CTNNAL1: variants seen among roughly 807,000 people sequenced by gnomAD.
CTNNAL1 encodes the protein alpha-catulin.
A neutral mutation model predicts 93.6 loss-of-function variants in CTNNAL1; 69 were observed. The observed-to-expected ratio is 0.74, with a 90% CI of 0.61 to 0.90. The LOEUF is 0.90. CTNNAL1 is among the 40% of genes least tolerant of loss of function. The pLI, the probability that CTNNAL1 is intolerant of heterozygous loss-of-function variation, is 0.00. For synonymous variants in CTNNAL1, 286 were observed against 305.4 expected, an observed-to-expected ratio of 0.94 and a Z score of 0.66; for missense variants, 836 against 862.0, an observed-to-expected ratio of 0.97 and a Z score of 0.38.
At chr9:108,942,877 A>G in intron 18 of CTNNAL1, 43 bp from the exon 19 acceptor site, 1 of 1,612,194 alleles carries the variant, frequency 6.2e-7, no homozygotes, top group Non-Finnish European at 8.5e-7. Flanking sequence ...TCACTCTGAA[A>G]AAAAAATTAC....
At chr9:108,942,922 T>C in intron 18 of CTNNAL1, 39 bp downstream of exon 18, 2 of 1,609,356 alleles carry the variant, frequency 1.2e-6, no homozygotes, top group Non-Finnish European at 1.7e-6. Flanking sequence ...TTTAAACCAT[T>C]TTTTAAAGTA....
chr9:109,001,814 A>G (rs1397747933), intron 1 of CTNNAL1, among the ~76,000 whole-genome samples: 1 of 152,204 alleles, frequency 6.6e-6, no homozygotes, highest in African/African-American at 2.4e-5. Flanking sequence ...CTCCTGAACC[A>G]CCAGGTAAGC....
intron 11 of CTNNAL1, among the ~76,000 whole-genome samples, chr9:108,956,610 T>A (rs1457199910): frequency 6.6e-6 from 1 of 152,176 alleles, no homozygotes; most frequent in African/African-American, 2.4e-5. Flanking sequence ...CCATATGAAA[T>A]TGCTGGTATT....
At position 108,984,388 on chromosome 9, in the gene CTNNAL1, C is replaced by A. The variant is rs1486131561; in HGVS notation, c.688G>T (p.Val230Phe). Residue 230 changes from valine (V) to phenylalanine (F), a missense_variant, in exon 5 of 19, where the codon GTT becomes TTT. Coordinates refer to ENST00000325551, the MANE Select transcript of CTNNAL1 (RefSeq NM_003798.4). ...AGCATCATTGTACACTTTTCAAGAACTGCCCTAGCTGCTGCCATTTTTGCC... is the reference window on the plus strand; with the variant it reads ...AGCATCATTGTACACTTTTCAAGAAATGCCCTAGCTGCTGCCATTTTTGCC... Reference protein sequence around the residue: ...KKAKMAAARAVLEKCTMMLLT... With the variant: ...KKAKMAAARAFLEKCTMMLLT... The A allele has an allele frequency of 6.2e-7, 1 of 1,612,298 alleles. No homozygotes were observed. Among genetic ancestry groups the A allele is most frequent in the Admixed American group, 1.7e-5 (1 of 59,944 alleles).
intron 5 of CTNNAL1, among the ~76,000 whole-genome samples, chr9:108,983,882 C>T (rs1831517210): frequency 6.6e-6 from 1 of 152,138 alleles, no homozygotes. Flanking sequence ...AATTTGCTGG[C>T]CAACTGCTGT....
At position 108,970,488 on chromosome 9, in the gene CTNNAL1, G is replaced by A. The variant is rs200882913; in HGVS notation, c.1354C>T (p.Arg452Ter). The A allele has an allele frequency of 2.9e-5, 46 of 1,610,038 alleles. No individual in the cohort carries two copies. The highest frequency in any genetic ancestry group is 3.6e-5 in the Non-Finnish European group (43 of 1,178,302). ...EQKEQLVETC[R>*]LLRHISGTEP... ...GTCCCAGATATGTGTCGTAACAATCGACAGGTCTACAAGACAATATGTCTA... is the reference window on the plus strand; with the variant it reads ...GTCCCAGATATGTGTCGTAACAATCAACAGGTCTACAAGACAATATGTCTA... The change falls in exon 10 of 19, where the codon CGA becomes TGA. Residue 452 changes from arginine (R) to a stop codon, truncating the protein, a stop_gained. Transcript: ENST00000325551. LOFTEE classifies it high-confidence loss of function.
chr9:108,986,836 G>A (rs1055892003), intron 4 of CTNNAL1, among the ~76,000 whole-genome samples: 1 of 152,196 alleles, frequency 6.6e-6, no homozygotes, highest in South Asian at 2.1e-4. Context: ...CTTTTGAGAA[G>A]TGTCTGTTCA....
chr9:108,979,921 G>A (rs1167359067), intron 6 of CTNNAL1, among the ~76,000 whole-genome samples: 2 of 152,188 alleles, frequency 1.3e-5, no homozygotes, highest in African/African-American at 4.8e-5. Flanking sequence ...GAGAAGCACT[G>A]GGGAAGACAT....
Position 108,992,741 on chromosome 9 carries a change from T to C in CTNNAL1, c.410A>G (p.Asp137Gly), listed in dbSNP as rs1232187649. The change falls in exon 3 of 19, where the codon GAC (aspartate) becomes GGC (glycine). Residue 137 changes from aspartate (D) to glycine (G), a missense_variant. Physicochemically the swap from Asp to Gly is moderately conservative, Grantham distance 94. Transcript: ENST00000325551. The stretch of plus-strand genomic sequence containing the variant: ...TGCAGCCTTTATCACTCCTGTTTTG[T>C]CTGTAAAAATTGTGATCTGCCCATC... ...ESDGQITIFT[D>G]KTGVIKAARL... 1 of 1,614,024 alleles carries C rather than the reference T, an allele frequency of 6.2e-7. No homozygotes were observed. The highest frequency in any genetic ancestry group is 1.3e-5 in the African/African-American group (1 of 75,040).
intron 11 of CTNNAL1, among the ~76,000 whole-genome samples, chr9:108,958,141 T>C (rs1830733980): frequency 6.6e-6 from 1 of 151,834 alleles, no homozygotes; most frequent in African/African-American, 2.4e-5. Flanking sequence ...ATTTTGAATT[T>C]TGAAAGGGCA....
chr9:109,009,485 A>G lies in CTNNAL1; in HGVS notation c.141+3817T>C, dbSNP rs1827144227. ...CTTTCCCCACTGACCAGCAATGCCA[A>G]TTGTCATTTACCGAGTTTCCATATA... On this transcript the variant is annotated intron_variant, in intron 1 of 18. Coordinates refer to ENST00000325551, the MANE Select transcript of CTNNAL1 (RefSeq NM_003798.4). 1.3e-5 allele frequency among the ~76,000 whole-genome samples: 2 copies of G among 152,052 alleles called. 1 individual carries two copies. Among genetic ancestry groups the G allele is most frequent in the South Asian group, 4.2e-4 (2 of 4,810 alleles).
intron 14 of CTNNAL1, among the ~76,000 whole-genome samples, chr9:108,950,202 C>G (rs1202518446): frequency 3.3e-5 from 5 of 152,136 alleles, no homozygotes; most frequent in African/African-American, 1.2e-4. Context: ...CAGCCAAAAG[C>G]TGAGATTTTT....
chr9:108,992,605 A>C (rs533191925), intron 3 of CTNNAL1, 27 bp downstream of exon 3: 71 of 1,576,244 alleles, frequency 4.5e-5, no homozygotes, highest in Non-Finnish European at 6.1e-5. Flanking sequence ...AAAGACAAAA[A>C]TACAGCAACA....
At chr9:109,007,787 C>T (rs1007236387) in intron 1 of CTNNAL1, among the ~76,000 whole-genome samples, 3 of 152,216 alleles carry the variant, frequency 2.0e-5, no homozygotes, top group Non-Finnish European at 4.4e-5. Flanking sequence ...GTATCTCTGA[C>T]AGCCCATGTA....
chr9:108,972,155 A>G (rs1831131644), intron 9 of CTNNAL1, among the ~76,000 whole-genome samples: 3 of 152,082 alleles, frequency 2.0e-5, no homozygotes, highest in Admixed American at 2.0e-4. Flanking sequence ...AAACCTCTCA[A>G]GGCAGTTCTC....
chr9:108,946,678 G>C (rs1319118057), intron 15 of CTNNAL1, among the ~76,000 whole-genome samples: 1 of 152,164 alleles, frequency 6.6e-6, no homozygotes, highest in Admixed American at 6.5e-5. Flanking sequence ...ATGGGGGCAG[G>C]AGCTTTGCTT....
intron 10 of CTNNAL1, among the ~76,000 whole-genome samples, chr9:108,968,888 A>G (rs994668912): frequency 6.6e-6 from 1 of 151,954 alleles, no homozygotes; most frequent in Non-Finnish European, 1.5e-5. Flanking sequence ...AAATGAATAT[A>G]AATAAAGTAT....
chr9:108,957,694 A>G (rs911509352), intron 11 of CTNNAL1, among the ~76,000 whole-genome samples: 1 of 152,230 alleles, frequency 6.6e-6, no homozygotes, highest in African/African-American at 2.4e-5. Flanking sequence ...TTTAGTTGCA[A>G]TATTAACAGA....
chr9:108,963,106 G>C (rs1830860945), intron 11 of CTNNAL1, among the ~76,000 whole-genome samples: 1 of 152,198 alleles, frequency 6.6e-6, no homozygotes, highest in South Asian at 2.1e-4. Context: ...CCCTTGCCAA[G>C]CTTATCAACC....
Sources: gnomAD v4.1 joint callset for allele counts (sites outside exome capture counted in the v4.1 genomes callset) on GRCh38, gnomAD v4.1.1 for gene constraint, MANE v1.5 for transcripts, NCBI Gene and HGNC (gene_info 2026-07-23, HGNC 2026-07-21) for gene names.